Variants in HDAC9 observed in about 807,000 individuals in gnomAD.
HDAC9 encodes histone deacetylase 9.
Under a neutral mutation model 139.4 loss-of-function variants are expected in HDAC9, and 41 were observed. The observed-to-expected ratio is 0.29, with a 90% CI of 0.23 to 0.38. The LOEUF (loss-of-function observed/expected upper bound fraction) is 0.38, where lower values mean the gene tolerates loss of function less well. Among genes scored for constraint, HDAC9 ranks in the 10% least tolerant of loss-of-function variants. The pLI is 1.00. For synonymous variants in HDAC9, 517 were observed against 476.2 expected (o/e 1.09, Z -1.12); for missense variants, 1,147 against 1,297.0 (o/e 0.88, Z 1.78).
At chr7:18,131,976 C>T (rs1357316237) in intron 1 of HDAC9, among the ~76,000 whole-genome samples, 1 of 152,142 alleles carries the variant, frequency 6.6e-6, no homozygotes, top group Non-Finnish European at 1.5e-5. Context: ...TAGCTAATGG[C>T]AACAGATAGA....
chr7:18,504,411 T>C (rs1380632432), intron 2 of HDAC9, among the ~76,000 whole-genome samples: 1 of 152,194 alleles, frequency 6.6e-6, no homozygotes, highest in Non-Finnish European at 1.5e-5. Context: ...TTCAAGTGAT[T>C]GTCCTGCCTC....
At chr7:18,116,365 G>A (rs529538125) in intron 1 of HDAC9, among the ~76,000 whole-genome samples, 170 of 152,194 alleles carry the variant, frequency 1.1e-3, no homozygotes, top group Non-Finnish European at 1.8e-3. Flanking sequence ...AAAGGATAAA[G>A]TGATCAATTT....
intron 24 of HDAC9, among the ~76,000 whole-genome samples, chr7:18,961,575 G>A (rs905967091): frequency 1.3e-5 from 2 of 152,190 alleles, no homozygotes; most frequent in Non-Finnish European, 2.9e-5. Flanking sequence ...TCACTGTATT[G>A]AAGTTACGGA....
At chr7:18,669,709 G>A (rs1158006147) in intron 12 of HDAC9, among the ~76,000 whole-genome samples, 1 of 151,822 alleles carries the variant, frequency 6.6e-6, no homozygotes, top group Admixed American at 6.6e-5. Flanking sequence ...GTTTTATAGT[G>A]TATATCTGAT....
At position 19,000,829 on chromosome 7, in the gene HDAC9, T is replaced by C. The variant is rs184314779; in HGVS notation, c.*4767T>C. The C allele has an allele frequency of 1.3e-5, 2 of 152,346 alleles. No homozygotes were observed. The highest frequency in any genetic ancestry group is 1.3e-4 in the Admixed American group (2 of 15,302). The allele number at this position is 152,346 out of a possible 1,614,324, so 9.4% of individuals were successfully genotyped here. A position where few individuals can be genotyped will look rare whatever the true frequency, so the allele number is the denominator to read the frequency against. ...AACAATCTATACGAAATTGCCAATATCTAAGCAATCAAAAGTTTCTGAAAT... is the reference window on the plus strand; with the variant it reads ...AACAATCTATACGAAATTGCCAATACCTAAGCAATCAAAAGTTTCTGAAAT... On this transcript the variant is annotated 3_prime_UTR_variant, in exon 26 of 26. Transcript: ENST00000686413.
intron 2 of HDAC9, among the ~76,000 whole-genome samples, chr7:18,243,973 C>T (rs1794356948): frequency 6.6e-6 from 1 of 152,060 alleles, no homozygotes; most frequent in Non-Finnish European, 1.5e-5. Context: ...AGGCAGTAAT[C>T]CAGCTCCCAA....
At chr7:18,580,562 T>C (rs1827489067) in intron 2 of HDAC9, among the ~76,000 whole-genome samples, 2 of 152,196 alleles carry the variant, frequency 1.3e-5, no homozygotes, top group South Asian at 4.1e-4. Flanking sequence ...CTTACATGTG[T>C]CACAAGGTCT....
intron 6 of HDAC9, among the ~76,000 whole-genome samples, chr7:18,617,445 C>T (rs918469891): frequency 6.6e-6 from 1 of 152,148 alleles, no homozygotes; most frequent in African/African-American, 2.4e-5. Flanking sequence ...TTCACACAAG[C>T]CATTCTCATC....
At chr7:18,365,842 A>C (rs933235545) in intron 1 of HDAC9, among the ~76,000 whole-genome samples, 3 of 152,078 alleles carry the variant, frequency 2.0e-5, no homozygotes, top group African/African-American at 7.2e-5. Context: ...TAGTAATAAT[A>C]ACTAATAGTA....
intron 22 of HDAC9, among the ~76,000 whole-genome samples, chr7:18,881,200 C>T (rs1799714024): frequency 6.6e-6 from 1 of 152,088 alleles, no homozygotes; most frequent in Non-Finnish European, 1.5e-5. Context: ...TGCTTTATCC[C>T]AAGTGCCTCA....
intron 2 of HDAC9, among the ~76,000 whole-genome samples, chr7:18,563,633 C>G (rs1276304508): frequency 1.3e-5 from 2 of 152,122 alleles, no homozygotes; most frequent in African/African-American, 4.8e-5. Flanking sequence ...GTCACCATCT[C>G]TAGTTATCTA....
At chr7:18,469,908 T>A (rs527951501) in intron 1 of HDAC9, among the ~76,000 whole-genome samples, 93 of 152,264 alleles carry the variant, frequency 6.1e-4, no homozygotes, top group African/African-American at 2.1e-3. Context: ...TTTCTTGCAT[T>A]TAATAAGCCA....
chr7:18,502,650 T>G (rs1402276732), intron 2 of HDAC9: 1 of 152,210 alleles, frequency 6.6e-6, no homozygotes, highest in Non-Finnish European at 1.5e-5. Context: ...GTAAGTATTT[T>G]TTACTAGTAT....
At chr7:18,690,348 TGTATAC>T (rs1336006776) in intron 12 of HDAC9, among the ~76,000 whole-genome samples, 1 of 152,014 alleles carries the variant, frequency 6.6e-6, no homozygotes, top group East Asian at 1.9e-4. Flanking sequence ...ATATGATAGG[TGTATAC>T]GTATATTTTG....
intron 22 of HDAC9, among the ~76,000 whole-genome samples, chr7:18,933,236 T>C (rs772104271): frequency 2.0e-5 from 3 of 152,166 alleles, no homozygotes; most frequent in Non-Finnish European, 4.4e-5. Flanking sequence ...CAGGGCCTTC[T>C]GGAATAAAGA....
chr7:18,490,954 TCTTA>T (rs1419901803), upstream of HDAC9, among the ~76,000 whole-genome samples: 1 of 152,002 alleles, frequency 6.6e-6, no homozygotes, highest in Non-Finnish European at 1.5e-5. Context: ...AAGTTTTAAA[TCTTA>T]CTTCATTTAC....
At chr7:18,827,305 A>G (rs966629632) in intron 17 of HDAC9, among the ~76,000 whole-genome samples, 12 of 152,246 alleles carry the variant, frequency 7.9e-5, no homozygotes, top group African/African-American at 2.6e-4. Flanking sequence ...ATAAGACACT[A>G]TCTTTTACAT....
At chr7:18,960,319 G>C (rs540477392) in intron 24 of HDAC9, among the ~76,000 whole-genome samples, 1 of 152,058 alleles carries the variant, frequency 6.6e-6, no homozygotes, top group Non-Finnish European at 1.5e-5. Flanking sequence ...TCAGAACTGT[G>C]CTTGATTTAT....
intron 6 of HDAC9, among the ~76,000 whole-genome samples, chr7:18,594,733 A>G (rs575787177): frequency 1.2e-4 from 19 of 152,240 alleles, no homozygotes; most frequent in African/African-American, 3.8e-4. Flanking sequence ...TTTTACTGCT[A>G]TAATAAATGT....
Sources: gnomAD v4.1 joint callset for allele counts (sites outside exome capture counted in the v4.1 genomes callset) on GRCh38, gnomAD v4.1.1 for gene constraint, MANE v1.5 for transcripts, NCBI Gene and HGNC (gene_info 2026-07-23, HGNC 2026-07-21) for gene names.